Variants in MOBP observed in about 807,000 individuals in gnomAD.
The protein encoded by MOBP is myelin associated oligodendrocyte basic protein.
In MOBP, 5 loss-of-function variants were observed where a neutral mutation model predicts 15.0. That is an observed-to-expected ratio of 0.33 (90% confidence interval 0.17 to 0.70). The LOEUF (loss-of-function observed/expected upper bound fraction) is 0.70, where lower values mean the gene tolerates loss of function less well. MOBP is among the 30% of genes least tolerant of loss of function. MOBP has a pLI of 0.67. For missense variants in MOBP, 188 were observed against 257.8 expected, an observed-to-expected ratio of 0.73 and a Z score of 1.85; for synonymous variants, 88 against 99.0, an observed-to-expected ratio of 0.89 and a Z score of 0.66.
intron 2 of MOBP, among the ~76,000 whole-genome samples, chr3:39,487,518 CTTTTTT>C (rs1216386382): frequency 2.1e-4 from 22 of 102,474 alleles, no homozygotes; most frequent in Admixed American, 4.5e-4. Context: ...AATTTTCTTT[CTTTTTT>C]TTTTTTTTTT....
rs1224492083 is a variant in MOBP at position 39,502,816 on chromosome 3, G to GC, written c.493dup (p.Leu165ProfsTer17). 6.5e-7 allele frequency: 1 copy of GC among 1,531,804 alleles called. No homozygotes were observed. The highest frequency in any genetic ancestry group is 8.7e-7 in the Non-Finnish European group (1 of 1,143,830). The allele number at this position is 1,531,804 out of a possible 1,614,324, so 94.9% of individuals were successfully genotyped here. ...AAGTCCAAGCAACAGCCGCGCAGCA[G>GC]CCCCCTCAGAGGGCCAGGCGCCAGC... On this transcript the variant is annotated frameshift_variant, in exon 4 of 4. Coordinates refer to ENST00000684792, the MANE Select transcript of MOBP (RefSeq NM_001393704.1). LOFTEE classifies it high-confidence loss of function. The surrounding 1 kb of genome is among the most constrained non-coding windows in gnomAD (Gnocchi z 6.3).
rs774367259 is a variant in MOBP at position 39,502,038 on chromosome 3, C to T, written c.-4-28C>T. The T allele has an allele frequency of 1.2e-4, 197 of 1,596,248 alleles. No homozygotes were observed. Among genetic ancestry groups the T allele is most frequent in the Non-Finnish European group, 1.6e-4 (186 of 1,165,174 alleles). On this transcript the variant is annotated intron_variant, in intron 2 of 3. Coordinates refer to ENST00000684792, the MANE Select transcript of MOBP (RefSeq NM_001393704.1). The surrounding 1 kb of genome is among the most constrained non-coding windows in gnomAD (Gnocchi z 6.3). Reference sequence around the variant, plus strand: ...TTCCTGATGTGCGTTTATGTCTCCTCCTGTCTCCTTGCATCGGCGATTTCC... The same window carrying T: ...TTCCTGATGTGCGTTTATGTCTCCTTCTGTCTCCTTGCATCGGCGATTTCC...
chr3:39,515,037 A>G (rs1291137392), exon 5 of MOBP: 29 of 150,424 alleles, frequency 1.9e-4, no homozygotes, highest in Non-Finnish European at 4.4e-5. Flanking sequence ...CTTAGCTTTC[A>G]GAGAATGTCT....
intron 2 of MOBP, among the ~76,000 whole-genome samples, chr3:39,500,532 A>C (rs2042954685): frequency 6.6e-6 from 1 of 152,154 alleles, no homozygotes; most frequent in Non-Finnish European, 1.5e-5. Flanking sequence ...ATGGAGAGAG[A>C]CCAAATATGA....
intron 2 of MOBP, among the ~76,000 whole-genome samples, chr3:39,486,972 G>A (rs2125638091): frequency 6.7e-6 from 1 of 149,466 alleles, no homozygotes; most frequent in East Asian, 2.0e-4. Flanking sequence ...ACAGGGTCTG[G>A]CTTTGCTGCC....
At chr3:39,477,954 CAA>C (rs2042566400) in intron 1 of MOBP, among the ~76,000 whole-genome samples, 1 of 151,842 alleles carries the variant, frequency 6.6e-6, no homozygotes, top group East Asian at 1.9e-4. Context: ...AGTGTTATTA[CAA>C]AAGAGTCAAA....
chr3:39,485,994 C>T (rs2042701887), intron 2 of MOBP, among the ~76,000 whole-genome samples: 1 of 152,166 alleles, frequency 6.6e-6, no homozygotes, highest in South Asian at 2.1e-4. Flanking sequence ...ACTAAAACTT[C>T]ATACGTTTAT....
chr3:39,486,772 A>G (rs550878096), intron 2 of MOBP, among the ~76,000 whole-genome samples: 81 of 151,568 alleles, frequency 5.3e-4, no homozygotes, highest in African/African-American at 1.9e-3. Flanking sequence ...TTTTCATATG[A>G]TTTGCCCAAT....
downstream of MOBP, among the ~76,000 whole-genome samples, chr3:39,504,564 C>T (rs2043025559): frequency 6.6e-6 from 1 of 152,228 alleles, no homozygotes; most frequent in Non-Finnish European, 1.5e-5. Flanking sequence ...ACCTCCTCAG[C>T]CATTGTCCCT....
In MOBP at chr3:39,502,786, C is replaced by G; in HGVS notation, c.458C>G (p.Pro153Arg). The G allele has an allele frequency of 1.3e-6, 2 of 1,535,676 alleles. No individual in the cohort carries two copies. The highest frequency in any genetic ancestry group is 8.7e-7 in the Non-Finnish European group (1 of 1,146,652). Residue 153 changes from proline (P) to arginine (R), a missense_variant, in exon 4 of 4, where the codon CCT (proline) becomes CGT (arginine). Pro to Arg is a moderately radical substitution (Grantham distance 103). Coordinates refer to ENST00000684792, the MANE Select transcript of MOBP (RefSeq NM_001393704.1). The surrounding 1 kb of genome is among the most constrained non-coding windows in gnomAD (Gnocchi z 6.3). ...CCACCGCCAGCCAAGCAGCGTCCCC[C>G]TCAGAAGTCCAAGCAACAGCCGCGC... Reference protein sequence around the residue: ...VRPPPAKQRPPQKSKQQPRSS... With the variant: ...VRPPPAKQRPRQKSKQQPRSS...
chr3:39,495,316 TG>T (rs947555828), intron 2 of MOBP, among the ~76,000 whole-genome samples: 4 of 82,148 alleles, frequency 4.9e-5, no homozygotes, highest in African/African-American at 3.3e-4. Flanking sequence ...ACTGATGAAT[TG>T]AAGAAGAACT....
At chr3:39,469,154 ATGTG>A (rs200106596) in intron 1 of MOBP, among the ~76,000 whole-genome samples, 5 of 86,756 alleles carry the variant, frequency 5.8e-5, no homozygotes, top group African/African-American at 1.9e-4. Context: ...ATATATACAT[ATGTG>A]TGTGTGTATA....
intron 1 of MOBP, among the ~76,000 whole-genome samples, chr3:39,472,661 C>A (rs568085): frequency 6.6e-6 from 1 of 152,072 alleles, no homozygotes; most frequent in African/African-American, 2.4e-5. Context: ...CATGGTGGCT[C>A]ATGCCTGTAA....
At chr3:39,498,075 T>TTAGGC (rs2042911882) in intron 2 of MOBP, among the ~76,000 whole-genome samples, 1 of 152,010 alleles carries the variant, frequency 6.6e-6, no homozygotes, top group African/African-American at 2.4e-5. Context: ...AACCGTTAGG[T>TTAGGC]GGAACTTAAA....
chr3:39,505,561 C>T (rs2043037359), downstream of MOBP, among the ~76,000 whole-genome samples: 1 of 152,138 alleles, frequency 6.6e-6, no homozygotes, highest in Non-Finnish European at 1.5e-5. Flanking sequence ...TTTATACATC[C>T]TGGTGGTCCC....
intron 3 of MOBP, among the ~76,000 whole-genome samples, chr3:39,523,435 T>C (rs1379019767): frequency 6.6e-5 from 10 of 152,224 alleles, no homozygotes; most frequent in African/African-American, 2.4e-4. Context: ...AAAATGCCAG[T>C]TGGAATTTCT....
chr3:39,499,300 C>T (rs2042935397), intron 2 of MOBP, among the ~76,000 whole-genome samples: 1 of 152,146 alleles, frequency 6.6e-6, no homozygotes. Context: ...ATGAATCTGA[C>T]CCTATAAGTC....
downstream of MOBP, among the ~76,000 whole-genome samples, chr3:39,504,969 G>T (rs746348076): frequency 6.6e-6 from 1 of 152,220 alleles, no homozygotes; most frequent in Non-Finnish European, 1.5e-5. Context: ...CCTTGGATAG[G>T]TCTTCTCAAA....
intron 2 of MOBP, 77 bp from the exon 3 acceptor site, chr3:39,501,989 G>A: frequency 8.1e-7 from 1 of 1,227,726 alleles, no homozygotes; most frequent in Admixed American, 1.8e-5. Flanking sequence ...AGTAGCAGGG[G>A]GCTTCCAGAG....
Sources: allele counts gnomAD v4.1 joint callset (sites outside exome capture counted in the v4.1 genomes callset), GRCh38; gene constraint gnomAD v4.1.1; non-coding constraint Gnocchi (gnomAD v3.1); transcripts MANE v1.5; gene names NCBI Gene and HGNC (gene_info 2026-07-23, HGNC 2026-07-21).